The following SLC12A9 variants were observed in gnomAD, a reference collection of about 807,000 sequenced individuals.
SLC12A9 encodes solute carrier family 12 member 9.
SLC12A9 carries 55 observed loss-of-function variants against 66.0 expected under a neutral mutation model. The ratio of observed to expected loss-of-function variants is 0.83; its 90% CI spans 0.67 to 1.04. SLC12A9 has a LOEUF of 1.04. SLC12A9 is among the 50% of genes least tolerant of loss of function. SLC12A9 has a pLI of 0.00. For missense variants in SLC12A9, 1,061 were observed against 1,241.9 expected, an observed-to-expected ratio of 0.85 and a Z score of 2.19; for synonymous variants, 577 against 569.0, an observed-to-expected ratio of 1.01 and a Z score of -0.20.
At chr7:100,858,765 G>T in intron 5 of SLC12A9, 70 bp from the exon 6 acceptor site, 2 of 1,442,370 alleles carry the variant, frequency 1.4e-6, no homozygotes, top group South Asian at 2.3e-5. Context: ...TGTGTGGAGA[G>T]GGTGGCTAAG....
intron 1 of SLC12A9, among the ~76,000 whole-genome samples, chr7:100,835,467 T>C (rs905931827): frequency 3.3e-5 from 5 of 151,134 alleles, no homozygotes; most frequent in African/African-American, 1.2e-4. Flanking sequence ...CTGGCCAACA[T>C]GGTGAAACCC....
intron 4 of SLC12A9, 57 bp downstream of exon 4, chr7:100,855,894 G>C: frequency 6.6e-7 from 1 of 1,518,380 alleles, no homozygotes; most frequent in Non-Finnish European, 8.8e-7. Flanking sequence ...TGGGAGTGTG[G>C]GATCATGAGG....
In SLC12A9 at chr7:100,863,064, T is replaced by TC. The variant is rs1335202527; in HGVS notation, c.1858+237_1858+238insC. Among the ~76,000 whole-genome samples, 35 of 144,970 alleles carry TC rather than the reference T, an allele frequency of 2.4e-4. No homozygotes were observed. In the East Asian group the frequency reaches 6.1e-3, roughly 25 times the overall value. ...GTTGTGGGTTTTTTTTCCTTCTTCT[T>TC]TTTTTTTTTTTTTTTTGAGACGGAG... On this transcript the variant is annotated intron_variant, in intron 13 of 13. Transcript: ENST00000354161.
Position 100,859,114 on chromosome 7 carries a change from C to T in SLC12A9, c.930C>T (p.Phe310=). The change falls in exon 7 of 14, where the codon TTC becomes TTT. Residue 310 remains phenylalanine (F), a synonymous_variant. Coordinates refer to ENST00000354161, the MANE Select transcript of SLC12A9 (RefSeq NM_020246.4). ...CGATCGTCGCCGTCGCCTACACCTTCTTCGTCTATGTCCTGCTTTTCTTTC... is the reference window on the plus strand; with the variant it reads ...CGATCGTCGCCGTCGCCTACACCTTTTTCGTCTATGTCCTGCTTTTCTTTC... ...LGTIVAVAYT[F]FVYVLLFFLS... is the part of the protein sequence containing the mutation. The T allele has an allele frequency of 2.5e-6, 4 of 1,614,132 alleles. No individual in the cohort carries two copies. The highest frequency in any genetic ancestry group is 3.4e-6 in the Non-Finnish European group (4 of 1,180,032).
At chr7:100,827,724 G>A (rs962538748) in intron 1 of SLC12A9, among the ~76,000 whole-genome samples, 3 of 152,202 alleles carry the variant, frequency 2.0e-5, no homozygotes, top group Admixed American at 6.5e-5. Flanking sequence ...GGGAGGGGCG[G>A]CGGGTGAGGA....
chr7:100,827,433 G>C (rs1467124296), intron 1 of SLC12A9: 1 of 150,766 alleles, frequency 6.6e-6, no homozygotes, highest in African/African-American at 2.4e-5. Flanking sequence ...GGGATGGTGG[G>C]AGCCCGAGCG....
Position 100,865,790 on chromosome 7 carries a change from G to C in SLC12A9, c.1930G>C (p.Asp644His). ...TCCACCGCAGGACCATTTCCTGACG[G>C]ACCCGGCTTTCTCTGAGCCTGCAGA... ...DAPPQDHFLT[D>H]PAFSEPADST... is the part of the protein sequence containing the mutation. The change falls in exon 14 of 14, where the codon GAC becomes CAC. Residue 644 changes from aspartate (D) to histidine (H), a missense_variant. Transcript: ENST00000354161. 1 of 1,614,032 alleles carries C rather than the reference G, an allele frequency of 6.2e-7. No homozygotes were observed. The highest frequency in any genetic ancestry group is 8.5e-7 in the Non-Finnish European group (1 of 1,180,012).
At chr7:100,843,278 G>A (rs180974441) in intron 1 of SLC12A9, among the ~76,000 whole-genome samples, 57 of 152,296 alleles carry the variant, frequency 3.7e-4, no homozygotes, top group African/African-American at 1.2e-3. Flanking sequence ...CTATTTAGAC[G>A]CAATTGGAGT....
At position 100,861,550 on chromosome 7, in the gene SLC12A9, G is replaced by A; in HGVS notation, c.1502G>A (p.Trp501Ter). ...ACCGCGCGAGGAGGCCCCAGTAGCT[G>A]GGGCTATGTCAGCCAGGCCTTGCTT... ...LLTARGGPSS[W>*]GYVSQALLFH... The change falls in exon 11 of 14, where the codon TGG becomes TAG. Residue 501 changes from tryptophan to a stop codon, truncating the protein, a stop_gained. Transcript: ENST00000354161. LOFTEE classifies it high-confidence loss of function. This position sits in a 1 kb window ranked among gnomAD's most constrained non-coding sequence, Gnocchi z 5.3. 6.2e-7 allele frequency: 1 copy of A among 1,613,744 alleles called. No homozygotes were observed. The highest frequency in any genetic ancestry group is 8.5e-7 in the Non-Finnish European group (1 of 1,180,006).
Position 100,854,740 on chromosome 7 carries a change from G to C in SLC12A9, c.302G>C (p.Gly101Ala). The C allele has an allele frequency of 6.2e-7, 1 of 1,614,054 alleles. No homozygotes were observed. Among genetic ancestry groups the C allele is most frequent in the Non-Finnish European group, 8.5e-7 (1 of 1,180,012 alleles). Residue 101 changes from glycine to alanine, a missense_variant, in exon 3 of 14, where the codon GGG becomes GCG. Transcript: ENST00000354161. ...ATCGCCACCAATGGAGCCGTGCAGG[G>C]GGGCGGAGCCTACTGTATCCTCCAA... ...CAIATNGAVQ[G>A]GGAYFMISRT...
At chr7:100,839,820 A>T (rs1584679870) in intron 1 of SLC12A9, among the ~76,000 whole-genome samples, 1 of 152,130 alleles carries the variant, frequency 6.6e-6, no homozygotes, top group Non-Finnish European at 1.5e-5. Context: ...AGGCGGGCGG[A>T]TGACGAGGTC....
chr7:100,858,787 C>A (rs774820908), intron 5 of SLC12A9, 48 bp from the exon 6 acceptor site: 3 of 1,591,622 alleles, frequency 1.9e-6, no homozygotes, highest in Admixed American at 3.3e-5. Flanking sequence ...GGCCTGGATC[C>A]CTGAGACGGA....
chr7:100,853,088 G>C (rs1814166746), intron 1 of SLC12A9, among the ~76,000 whole-genome samples: 1 of 152,002 alleles, frequency 6.6e-6, no homozygotes, highest in Non-Finnish European at 1.5e-5. Context: ...GGGAGGCTAA[G>C]GCGAGGAGGA....
intron 1 of SLC12A9, among the ~76,000 whole-genome samples, chr7:100,840,467 G>A (rs1023196492): frequency 2.0e-5 from 3 of 152,082 alleles, no homozygotes; most frequent in South Asian, 2.1e-4. Context: ...ACCAGTTCCC[G>A]TACATAGACA....
Position 100,861,013 on chromosome 7 carries a change from G to T in SLC12A9, c.1219-125G>T. 5.2e-6 allele frequency: 8 copies of T among 1,542,936 alleles called. No individual in the cohort carries two copies. The highest frequency in any genetic ancestry group is 7.1e-6 in the Non-Finnish European group (8 of 1,125,204). On this transcript the variant is annotated intron_variant, in intron 9 of 13. Coordinates refer to ENST00000354161, the MANE Select transcript of SLC12A9 (RefSeq NM_020246.4). The surrounding 1 kb of genome is among the most constrained non-coding windows in gnomAD (Gnocchi z 5.3). ...TGGGGGTGCACTGGCACTTTGCAGGGTTCACTGGCACTTTCTGGGGCTCAT... is the reference window on the plus strand; with the variant it reads ...TGGGGGTGCACTGGCACTTTGCAGGTTTCACTGGCACTTTCTGGGGCTCAT...
At chr7:100,837,869 T>TG (rs1223174773) in intron 1 of SLC12A9, among the ~76,000 whole-genome samples, 26,779 of 138,400 alleles carry the variant, frequency 0.19, 2,845 homozygotes, top group East Asian at 0.5. Context: ...TTTTTTTTTT[T>TG]TTTTTTTTTG....
At chr7:100,849,072 G>A (rs1050665003), upstream of SLC12A9, among the ~76,000 whole-genome samples, 14 of 151,044 alleles carry the variant, frequency 9.3e-5, no homozygotes, top group Non-Finnish European at 1.6e-4. Flanking sequence ...AATTACAGGC[G>A]TGTACCACCA....
chr7:100,832,374 T>C (rs1487336193), intron 1 of SLC12A9, among the ~76,000 whole-genome samples: 1 of 151,926 alleles, frequency 6.6e-6, no homozygotes, highest in East Asian at 1.9e-4. Context: ...TAGCTGGGCG[T>C]GGTGGCATGT....
chr7:100,834,646 A>G (rs2116500603), intron 1 of SLC12A9, among the ~76,000 whole-genome samples: 1 of 151,810 alleles, frequency 6.6e-6, no homozygotes, highest in South Asian at 2.1e-4. Flanking sequence ...ATTTGGGAGG[A>G]CGCAGCTGGC....
Sources: allele counts gnomAD v4.1 joint callset (sites outside exome capture counted in the v4.1 genomes callset), GRCh38; gene constraint gnomAD v4.1.1; non-coding constraint Gnocchi (gnomAD v3.1); transcripts MANE v1.5; gene names NCBI Gene and HGNC (gene_info 2026-07-23, HGNC 2026-07-21).